The following CPA1 variants were observed in gnomAD, a reference collection of about 807,000 sequenced individuals.
CPA1 encodes the protein carboxypeptidase A1 (pancreatic).
Under a neutral mutation model 48.7 loss-of-function variants are expected in CPA1, and 42 were observed. That is an observed-to-expected ratio of 0.86 (90% CI 0.67 to 1.11). CPA1 has a LOEUF of 1.11. Among genes scored for constraint, CPA1 ranks in the 50% most tolerant of loss-of-function variants. CPA1 has a pLI of 0.00. For missense variants in CPA1, 477 were observed against 544.7 expected (o/e 0.88, Z 1.24); for synonymous variants, 203 against 217.9 (o/e 0.93, Z 0.60).
rs1796498204 is a variant in CPA1 at position 130,387,773 on chromosome 7, A to G, written c.1073-51A>G. The G allele has an allele frequency of 6.4e-7, 1 of 1,557,952 alleles. No homozygotes were observed. Among genetic ancestry groups the G allele is most frequent in the South Asian group, 1.1e-5 (1 of 88,164 alleles). On this transcript the variant is annotated intron_variant, in intron 9 of 9. Transcript: ENST00000011292. The surrounding 1 kb of genome is among the most constrained non-coding windows in gnomAD (Gnocchi z 4.6). ...TTGGATCGTTAACCCAACCCGTGTAAATATTCCCAAAGTGATTGACCCTTT... is the reference window on the plus strand; with the variant it reads ...TTGGATCGTTAACCCAACCCGTGTAGATATTCCCAAAGTGATTGACCCTTT...
intron 4 of CPA1, among the ~76,000 whole-genome samples, chr7:130,382,894 C>T (rs576863853): frequency 1.3e-5 from 2 of 152,196 alleles, no homozygotes; most frequent in East Asian, 1.9e-4. Flanking sequence ...CTGCCTGCCT[C>T]GGACTCCCAA....
chr7:130,385,999 C>G, intron 9 of CPA1, 76 bp downstream of exon 9: 1 of 1,365,880 alleles, frequency 7.3e-7, no homozygotes, highest in Non-Finnish European at 1.0e-6. Flanking sequence ...GGGAGTATCC[C>G]TCATGGAAGG....
chr7:130,382,018 C>T (rs2117501064), intron 3 of CPA1, 90 bp from the exon 4 acceptor site: 3 of 1,247,854 alleles, frequency 2.4e-6, no homozygotes, highest in Middle Eastern at 1.9e-4. Flanking sequence ...TTGCAGGGCT[C>T]GCAGCAGGCT....
Position 130,385,731 on chromosome 7 carries a change from T to C in CPA1, c.988-108T>C, listed in dbSNP as rs1796466062. On this transcript the variant is annotated intron_variant, in intron 8 of 9. Transcript: ENST00000011292. ...CTGTGCTCCCTGCTGGAGGCCCACT[T>C]CTGCAGGGTGCTTCTCCTAGGCTCC... The C allele has an allele frequency of 4.9e-6, 4 of 821,372 alleles. No homozygotes were observed. The South Asian group carries it at 6.6e-5, about 14-fold the overall frequency. 50.9% of individuals were successfully genotyped at this position (821,372 alleles called of 1,614,324 possible).
At chr7:130,383,242 A>T in intron 4 of CPA1, 149 bp from the exon 5 acceptor site, 3 of 718,636 alleles carry the variant, frequency 4.2e-6, no homozygotes. Flanking sequence ...CCCCAAACCC[A>T]CCTGAGTGAT....
chr7:130,383,060 C>T (rs918217181), intron 4 of CPA1, among the ~76,000 whole-genome samples: 6 of 152,192 alleles, frequency 3.9e-5, no homozygotes, highest in African/African-American at 7.2e-5. Context: ...GGATTACAGG[C>T]GTGAGCCACC....
chr7:130,383,823 A>T, intron 6 of CPA1, 29 bp downstream of exon 6: 1 of 1,498,468 alleles, frequency 6.7e-7, no homozygotes, highest in South Asian at 1.1e-5. Context: ...CCTTGGGGGA[A>T]GCAGGATGGG....
At chr7:130,383,061 G>A (rs1259925048) in intron 4 of CPA1, among the ~76,000 whole-genome samples, 15 of 152,240 alleles carry the variant, frequency 9.9e-5, no homozygotes, top group African/African-American at 3.4e-4. Flanking sequence ...GATTACAGGC[G>A]TGAGCCACCA....
chr7:130,382,597 GA>G (rs1554411385), intron 4 of CPA1, among the ~76,000 whole-genome samples: 1 of 149,252 alleles, frequency 6.7e-6, no homozygotes, highest in Non-Finnish European at 1.5e-5. Flanking sequence ...CCGAGTAGCT[GA>G]GACTACAAGC....
In CPA1 at chr7:130,387,977, C is replaced by G. The variant is rs1381361116; in HGVS notation, c.1226C>G (p.Thr409Ser). ...AAGGAGACGTGGCTGGCGCTTCTGA[C>G]CATCATGGAGCACACCCTGAATCAC... The part of the protein sequence containing the change: ...TAKETWLALL[T>S]IMEHTLNHPY Residue 409 changes from threonine to serine, a missense_variant, in exon 10 of 10, where the codon ACC becomes AGC. Physicochemically the swap from Thr to Ser is moderately conservative, Grantham distance 58. Transcript: ENST00000011292. The surrounding 1 kb of genome is among the most constrained non-coding windows in gnomAD (Gnocchi z 4.6). The G allele has an allele frequency of 6.2e-7, 1 of 1,614,018 alleles. No individual in the cohort carries two copies. Among genetic ancestry groups the G allele is most frequent in the Non-Finnish European group, 8.5e-7 (1 of 1,180,034 alleles).
chr7:130,381,550 C>A, intron 2 of CPA1, 80 bp from the exon 3 acceptor site: 2 of 1,030,242 alleles, frequency 1.9e-6, no homozygotes, highest in South Asian at 1.4e-5. Flanking sequence ...CAGCCCCTCC[C>A]ACGCAGGCCC....
At position 130,383,733 on chromosome 7, in the gene CPA1, CCTTGGACAT is replaced by C; in HGVS notation, c.639_647del (p.Leu213_Ile215del). ...GCAGCTTTCACCGCCATTCTCGACACCTTGGACATCTTCCTGGAGATCGTCACCAACCCT... is the reference window on the plus strand; with the variant it reads ...GCAGCTTTCACCGCCATTCTCGACACCTTCCTGGAGATCGTCACCAACCCT... On this transcript the variant is annotated inframe_deletion, in exon 6 of 10. Coordinates refer to ENST00000011292, the MANE Select transcript of CPA1 (RefSeq NM_001868.4). 6.2e-7 allele frequency: 1 copy of C among 1,614,200 alleles called. No individual in the cohort carries two copies.
Position 130,381,107 on chromosome 7 carries a change from G to C in CPA1, c.75G>C (p.Val25=), listed in dbSNP as rs1277023753. Residue 25 remains valine (V), a synonymous_variant, in exon 2 of 10, where the codon GTG becomes GTC. Coordinates refer to ENST00000011292, the MANE Select transcript of CPA1 (RefSeq NM_001868.4). Reference sequence around the variant, plus strand: ...CTCCCACTCTGCCCAGGCATCAGGTGCTCCGAATCTCTGTAGCCGATGAGG... The same window carrying C: ...CTCCCACTCTGCCCAGGCATCAGGTCCTCCGAATCTCTGTAGCCGATGAGG... ...FGKEDFVGHQ[V]LRISVADEAQ... is the part of the protein sequence containing the mutation. 6.2e-7 allele frequency: 1 copy of C among 1,613,402 alleles called. No individual in the cohort carries two copies. The highest frequency in any genetic ancestry group is 1.3e-5 in the African/African-American group (1 of 75,010).
At chr7:130,383,649 G>A (rs1013213724) in intron 5 of CPA1, 35 bp from the exon 6 acceptor site, 1 of 1,546,002 alleles carries the variant, frequency 6.5e-7, no homozygotes, top group South Asian at 1.1e-5. Context: ...GCCTGGCCCA[G>A]CCTGCGCTGC....
At chr7:130,382,934 C>T (rs1000876682) in intron 4 of CPA1, among the ~76,000 whole-genome samples, 33 of 151,974 alleles carry the variant, frequency 2.2e-4, no homozygotes, top group Admixed American at 1.7e-3. Flanking sequence ...TGAGCCACTG[C>T]GCCTGGCCAA....
intron 7 of CPA1, 200 bp from the exon 8 acceptor site, chr7:130,384,946 G>A: frequency 1.6e-6 from 1 of 622,666 alleles, no homozygotes; most frequent in South Asian, 2.0e-5. Flanking sequence ...TCCCTCCCTG[G>A]GTGTGTCCAT....
chr7:130,385,637 C>T (rs966568520), intron 8 of CPA1, among the ~76,000 whole-genome samples: 2 of 152,162 alleles, frequency 1.3e-5, no homozygotes, highest in Admixed American at 6.5e-5. Flanking sequence ...GAAGGCCAGC[C>T]GGACACCCTG....
At chr7:130,385,015 G>A in intron 7 of CPA1, 131 bp from the exon 8 acceptor site, 1 of 907,460 alleles carries the variant, frequency 1.1e-6, no homozygotes, top group East Asian at 2.6e-5. Context: ...AGGCCTTTGG[G>A]CTTTCCTGAA....
intron 7 of CPA1, 51 bp downstream of exon 7, chr7:130,384,677 C>G (rs1584852629): frequency 6.9e-7 from 1 of 1,444,778 alleles, no homozygotes; most frequent in Non-Finnish European, 9.7e-7. Context: ...TCGAATGGCT[C>G]CTCACCACTG....
Sources: allele counts gnomAD v4.1 joint callset (sites outside exome capture counted in the v4.1 genomes callset), GRCh38; gene constraint gnomAD v4.1.1; non-coding constraint Gnocchi (gnomAD v3.1); transcripts MANE v1.5; gene names NCBI Gene and HGNC (gene_info 2026-07-23, HGNC 2026-07-21).